The following KMO variants were observed in gnomAD, a reference collection of about 807,000 sequenced individuals.
KMO encodes kynurenine 3-monooxygenase.
KMO carries 24 observed loss-of-function variants against 57.8 expected under a neutral mutation model. That is an observed-to-expected ratio of 0.42 (90% CI 0.30 to 0.58). The LOEUF (loss-of-function observed/expected upper bound fraction) is 0.58, where lower values mean the gene tolerates loss of function less well. KMO is among the 20% of genes least tolerant of loss of function. The pLI, the probability that KMO is intolerant of heterozygous loss-of-function variation, is 0.22. For missense variants in KMO, 483 were observed against 588.2 expected (o/e 0.82, Z 1.85); for synonymous variants, 210 against 193.6 (o/e 1.08, Z -0.70).
chr1:241,536,450 T>A, intron 1 of KMO: 18 of 945,520 alleles, frequency 1.9e-5, no homozygotes, highest in Non-Finnish European at 2.3e-5. Context: ...CTGCTTTTGA[T>A]AACTGTTTTC....
intron 12 of KMO, among the ~76,000 whole-genome samples, chr1:241,589,194 C>T (rs531319917): frequency 2.0e-5 from 3 of 152,140 alleles, no homozygotes; most frequent in South Asian, 4.1e-4. Flanking sequence ...GGCCTTTTCA[C>T]TCATAACATT....
Position 241,592,096 on chromosome 1 carries a change from T to C in KMO, c.1404T>C (p.Cys468=), listed in dbSNP as rs761283761. ...NWIAHFRNTT[C]FPAKAVDSLE... ...TAGCTCACTTCCGGAATACAACATG[T>C]TTCCCCGCAAAGGCCGTGGACTCCC... is the stretch of plus-strand genomic sequence containing the variant. The change falls in exon 15 of 15, where the codon TGT becomes TGC. Residue 468 remains cysteine, a synonymous_variant. Coordinates refer to ENST00000366559, the MANE Select transcript of KMO (RefSeq NM_003679.5). The C allele has an allele frequency of 1.2e-6, 2 of 1,613,990 alleles. No individual in the cohort carries two copies. Among genetic ancestry groups the C allele is most frequent in the Non-Finnish European group, 1.7e-6 (2 of 1,179,966 alleles).
Position 241,592,196 on chromosome 1 carries a change from C to T in KMO, c.*43C>T. ...AGCAAATGCATGATTTCTCTGTGAC[C>T]AAAATTAAGCATGAAAAAAATGTTT... On this transcript the variant is annotated 3_prime_UTR_variant, in exon 15 of 15. Transcript: ENST00000366559. 1 of 1,432,588 alleles carries T rather than the reference C, an allele frequency of 7.0e-7. No homozygotes were observed. The highest frequency in any genetic ancestry group is 9.8e-7 in the Non-Finnish European group (1 of 1,023,878). 88.7% of individuals were successfully genotyped at this position (1,432,588 alleles called of 1,614,324 possible). A position where few individuals can be genotyped will look rare whatever the true frequency, so the allele number is the denominator to read the frequency against.
At chr1:241,556,299 A>G (rs1362320842) in intron 5 of KMO, among the ~76,000 whole-genome samples, 1 of 151,458 alleles carries the variant, frequency 6.6e-6, no homozygotes, top group East Asian at 1.9e-4. Flanking sequence ...ACATACGACC[A>G]ATTTTTTTAC....
chr1:241,553,338 A>G (rs895801119), intron 4 of KMO, among the ~76,000 whole-genome samples: 1 of 152,232 alleles, frequency 6.6e-6, no homozygotes, highest in African/African-American at 2.4e-5. Flanking sequence ...TGACAAGTCT[A>G]TCAGTTCCCA....
intron 8 of KMO, among the ~76,000 whole-genome samples, chr1:241,565,621 G>A (rs2147964549): frequency 6.6e-6 from 1 of 151,560 alleles, no homozygotes; most frequent in South Asian, 2.1e-4. Flanking sequence ...CTACTCAGGA[G>A]GCTGAGGTGG....
chr1:241,547,748 T>TA, intron 1 of KMO, among the ~76,000 whole-genome samples: 1 of 152,296 alleles, frequency 6.6e-6, no homozygotes, highest in South Asian at 2.1e-4. Context: ...CTGCTGGTGT[T>TA]ACAACCAACT....
rs71570903 is a variant in KMO at position 241,549,202 on chromosome 1, G to GAAGAAAGA, written c.124+364_124+371dup. 2.0e-3 allele frequency among the ~76,000 whole-genome samples: 40 copies of GAAGAAAGA among 19,962 alleles called. 1 individual carries two copies. Among genetic ancestry groups the GAAGAAAGA allele is most frequent in the African/African-American group, 6.0e-3 (38 of 6,310 alleles). The allele number at this position is 19,962 out of a possible 152,430, so 13.1% of individuals were successfully genotyped here. On this transcript the variant is annotated intron_variant, in intron 2 of 14. Coordinates refer to ENST00000366559, the MANE Select transcript of KMO (RefSeq NM_003679.5). ...AAAGAGAGAGAGAGAGAAAGAAAAG[G>GAAGAAAGA]AAGAAAGAAAGAAAGAAAGAAAGAA...
intron 11 of KMO, among the ~76,000 whole-genome samples, chr1:241,588,341 T>C (rs1663098947): frequency 2.8e-5 from 4 of 142,458 alleles, no homozygotes; most frequent in African/African-American, 2.7e-5. Flanking sequence ...TTTTTTTTTT[T>C]TTTTTTTTTT....
rs1282140764 is a variant in KMO at position 241,592,767 on chromosome 1, T to TATCTATC, written c.*615_*621dup. On this transcript the variant is annotated 3_prime_UTR_variant, in exon 15 of 15. Transcript: ENST00000366559. ...TCTATCTATCTATCATCTATCTATC[T>TATCTATC]ATCTATCTATCTATCTATCTATCTA... is the stretch of plus-strand genomic sequence containing the variant. The TATCTATC allele has an allele frequency of 6.7e-5, 10 of 148,592 alleles. No individual in the cohort carries two copies. The highest frequency in any genetic ancestry group is 3.4e-4 in the Admixed American group (5 of 14,798). 9.2% of individuals were successfully genotyped at this position (148,592 alleles called of 1,614,324 possible).
At chr1:241,560,891 G>A in intron 6 of KMO, 139 bp downstream of exon 6, 1 of 652,566 alleles carries the variant, frequency 1.5e-6, no homozygotes, top group East Asian at 2.8e-5. Context: ...TAGATTCAAG[G>A]AATTTTAGAT....
chr1:241,549,110 A>C (rs1430763875), intron 2 of KMO, among the ~76,000 whole-genome samples: 1 of 151,658 alleles, frequency 6.6e-6, no homozygotes, highest in African/African-American at 2.4e-5. Flanking sequence ...CGGAGGTTGC[A>C]GTGAGGCGAG....
intron 1 of KMO, among the ~76,000 whole-genome samples, chr1:241,540,588 G>GCCTATTACA (rs2147940890): frequency 6.6e-6 from 1 of 152,138 alleles, no homozygotes; most frequent in East Asian, 1.9e-4. Context: ...TATTACAGAT[G>GCCTATTACA]GTGCAAGAGA....
chr1:241,591,592 C>T (rs1663303668), intron 14 of KMO, among the ~76,000 whole-genome samples: 1 of 152,184 alleles, frequency 6.6e-6, no homozygotes, highest in South Asian at 2.1e-4. Flanking sequence ...TTTTGGGAAG[C>T]TTCTGAGAAG....
chr1:241,567,973 C>T (rs759702955), intron 9 of KMO, among the ~76,000 whole-genome samples: 13 of 152,308 alleles, frequency 8.5e-5, no homozygotes, highest in South Asian at 2.1e-4. Flanking sequence ...CCATGTTGTA[C>T]AATAAATCTC....
chr1:241,579,088 G>A (rs1369935925), intron 10 of KMO, among the ~76,000 whole-genome samples: 5 of 152,092 alleles, frequency 3.3e-5, no homozygotes, highest in Non-Finnish European at 7.4e-5. Context: ...TTTGGGTGGG[G>A]ACACAGCCAA....
intron 10 of KMO, among the ~76,000 whole-genome samples, chr1:241,574,416 G>T (rs1394392159): frequency 6.6e-6 from 1 of 151,890 alleles, no homozygotes; most frequent in African/African-American, 2.4e-5. Context: ...ATCATATATG[G>T]CTTTTATTAT....
Position 241,594,765 on chromosome 1 carries a change from C to A in KMO, c.*2612C>A. ...AATCTGGATTAACATTCGAGGAAAT[C>A]AGTTGAGCTGAATTTAAGTTGTTTT... is the stretch of plus-strand genomic sequence containing the variant. On this transcript the variant is annotated 3_prime_UTR_variant, in exon 15 of 15. Transcript: ENST00000366559. 6.5e-7 allele frequency: 1 copy of A among 1,528,422 alleles called. No individual in the cohort carries two copies. Among genetic ancestry groups the A allele is most frequent in the Non-Finnish European group, 8.9e-7 (1 of 1,128,776 alleles). The allele number at this position is 1,528,422 out of a possible 1,614,324, so 94.7% of individuals were successfully genotyped here. A position where few individuals can be genotyped will look rare whatever the true frequency, so the allele number is the denominator to read the frequency against.
chr1:241,544,591 A>T (rs1372939742), intron 1 of KMO, among the ~76,000 whole-genome samples: 1 of 152,334 alleles, frequency 6.6e-6, no homozygotes, highest in East Asian at 1.9e-4. Context: ...AGGATAAAGG[A>T]TATCATCATG....
Sources: gnomAD v4.1 joint callset for allele counts (sites outside exome capture counted in the v4.1 genomes callset) on GRCh38, gnomAD v4.1.1 for gene constraint, MANE v1.5 for transcripts, NCBI Gene and HGNC (gene_info 2026-07-23, HGNC 2026-07-21) for gene names.